Variants in TMTC2 observed in about 807,000 individuals in gnomAD.
TMTC2 encodes the protein protein O-mannosyl-transferase TMTC2.
Under a neutral mutation model 82.4 loss-of-function variants are expected in TMTC2, and 43 were observed. The observed-to-expected ratio is 0.52, with a 90% confidence interval of 0.41 to 0.67. The LOEUF is 0.67. Among genes scored for constraint, TMTC2 ranks in the 30% least tolerant of loss-of-function variants. TMTC2 has a pLI of 0.00. For missense variants in TMTC2, 919 were observed against 1,012.4 expected (o/e 0.91, Z 1.25); for synonymous variants, 408 against 381.9 (o/e 1.07, Z -0.80).
chr12:82,698,929 AG>A (rs1872943708), intron 1 of TMTC2, among the ~76,000 whole-genome samples: 1 of 152,328 alleles, frequency 6.6e-6, no homozygotes, highest in African/African-American at 2.4e-5. Context: ...GGGATAGGGC[AG>A]GATGGCATGC....
intron 11 of TMTC2, among the ~76,000 whole-genome samples, chr12:83,067,722 A>G (rs1006507936): frequency 6.6e-6 from 1 of 152,158 alleles, no homozygotes; most frequent in African/African-American, 2.4e-5. Flanking sequence ...TACTATCTAC[A>G]TGGAATAAAT....
intron 1 of TMTC2, among the ~76,000 whole-genome samples, chr12:82,745,829 C>A (rs1183689112): frequency 6.6e-6 from 1 of 152,152 alleles, no homozygotes; most frequent in Non-Finnish European, 1.5e-5. Flanking sequence ...TTCAGAGCAT[C>A]GAGGAATATA....
chr12:82,820,978 CT>C (rs1250754851), intron 1 of TMTC2, among the ~76,000 whole-genome samples: 1 of 151,872 alleles, frequency 6.6e-6, no homozygotes, highest in Non-Finnish European at 1.5e-5. Flanking sequence ...CCTGCCTCCA[CT>C]TCTGGAGTAG....
At chr12:82,782,775 G>C (rs1051852694) in intron 1 of TMTC2, among the ~76,000 whole-genome samples, 3 of 152,224 alleles carry the variant, frequency 2.0e-5, no homozygotes, top group Admixed American at 2.0e-4. Flanking sequence ...GCTATTTGTG[G>C]CGTTATGATT....
chr12:82,727,276 T>C (rs562858961), intron 1 of TMTC2, among the ~76,000 whole-genome samples: 1 of 152,258 alleles, frequency 6.6e-6, no homozygotes, highest in East Asian at 1.9e-4. Context: ...ATATTTATTT[T>C]ACTGAGATTA....
At chr12:83,037,031 A>C (rs932382345) in intron 9 of TMTC2, among the ~76,000 whole-genome samples, 1 of 152,212 alleles carries the variant, frequency 6.6e-6, no homozygotes, top group Non-Finnish European at 1.5e-5. Flanking sequence ...GTCCACCCTC[A>C]TGACCCAGAC....
At chr12:82,976,139 A>C (rs892383121) in intron 7 of TMTC2, among the ~76,000 whole-genome samples, 1 of 152,132 alleles carries the variant, frequency 6.6e-6, no homozygotes, top group Non-Finnish European at 1.5e-5. Context: ...CTGAGCATTT[A>C]ATAGAATTGG....
chr12:82,823,674 G>T (rs1477324521), intron 1 of TMTC2, among the ~76,000 whole-genome samples: 3 of 152,132 alleles, frequency 2.0e-5, no homozygotes, highest in Non-Finnish European at 2.9e-5. Flanking sequence ...CTAATCCTTA[G>T]TTCAGATGTT....
chr12:82,810,549 G>A (rs114290442), intron 1 of TMTC2, among the ~76,000 whole-genome samples: 1,598 of 152,006 alleles, frequency 0.011, 29 homozygotes, highest in African/African-American at 0.037. Context: ...TTCAAGTATG[G>A]GAAGTTTTGT....
chr12:83,057,097 T>A (rs183312880), intron 10 of TMTC2, among the ~76,000 whole-genome samples: 1 of 152,030 alleles, frequency 6.6e-6, no homozygotes, highest in East Asian at 1.9e-4. Flanking sequence ...AAGTGGTAAT[T>A]TACTACATGT....
chr12:82,712,388 C>G (rs924087757), intron 1 of TMTC2, among the ~76,000 whole-genome samples: 1 of 145,354 alleles, frequency 6.9e-6, no homozygotes, highest in South Asian at 2.2e-4. Flanking sequence ...CAAGATCGCA[C>G]CACTGCACTC....
At position 82,964,946 on chromosome 12, in the gene TMTC2, T is replaced by C. The variant is rs996128062; in HGVS notation, c.1599-78T>C. 27 of 881,294 alleles carry C rather than the reference T, an allele frequency of 3.1e-5. No homozygotes were observed. In the African/African-American group the frequency reaches 4.7e-4, roughly 15 times the overall value. The allele number at this position is 881,294 out of a possible 1,614,324, so 54.6% of individuals were successfully genotyped here. A position where few individuals can be genotyped will look rare whatever the true frequency, so the allele number is the denominator to read the frequency against. On this transcript the variant is annotated intron_variant, in intron 4 of 11. Coordinates refer to ENST00000321196, the MANE Select transcript of TMTC2 (RefSeq NM_152588.3). ...CTGTGCTGTTAACCATTTTTATTTT[T>C]GGAATATAAAATAAAAATTTGTGGT...
At chr12:82,958,276 G>A (rs934406172) in intron 4 of TMTC2, among the ~76,000 whole-genome samples, 1 of 148,578 alleles carries the variant, frequency 6.7e-6, no homozygotes, top group Admixed American at 6.8e-5. Flanking sequence ...AATCGCTTGA[G>A]CCTGGAAAAT....
At chr12:82,743,822 T>C (rs1875540332) in intron 1 of TMTC2, among the ~76,000 whole-genome samples, 1 of 152,214 alleles carries the variant, frequency 6.6e-6, no homozygotes, top group Non-Finnish European at 1.5e-5. Context: ...CTACAGAAAA[T>C]ATGACTCTGT....
At chr12:83,042,059 C>A (rs1418067853) in intron 9 of TMTC2, among the ~76,000 whole-genome samples, 3 of 152,212 alleles carry the variant, frequency 2.0e-5, no homozygotes. Flanking sequence ...AAAACAATTG[C>A]TCTCAAAGCT....
At position 82,715,785 on chromosome 12, in the gene TMTC2, A is replaced by C. The variant is rs116631610; in HGVS notation, c.83+28116A>C. ...CTTGAAGCTGCCCGTTCAGTTCAGCATGTCAAAAAACCATTTGGGATATTG... is the reference window on the plus strand; with the variant it reads ...CTTGAAGCTGCCCGTTCAGTTCAGCCTGTCAAAAAACCATTTGGGATATTG... On this transcript the variant is annotated intron_variant, in intron 1 of 11. Transcript: ENST00000321196. 4.5e-3 allele frequency among the ~76,000 whole-genome samples: 679 copies of C among 152,324 alleles called. 7 individuals carry two copies. The highest frequency in any genetic ancestry group is 0.016 in the African/African-American group (653 of 41,570).
chr12:82,890,612 C>T (rs1434650854), intron 2 of TMTC2, among the ~76,000 whole-genome samples: 1 of 152,028 alleles, frequency 6.6e-6, no homozygotes, highest in African/African-American at 2.4e-5. Flanking sequence ...GCATTAGAAT[C>T]ACCTATGAGA....
chr12:82,735,036 A>G (rs1045833426), intron 1 of TMTC2, among the ~76,000 whole-genome samples: 2 of 152,310 alleles, frequency 1.3e-5, no homozygotes, highest in East Asian at 3.9e-4. Flanking sequence ...CACACATTCT[A>G]TTCCTTATTC....
chr12:82,688,100 A>G (rs764872998), intron 1 of TMTC2, among the ~76,000 whole-genome samples: 3 of 152,088 alleles, frequency 2.0e-5, no homozygotes, highest in Non-Finnish European at 2.9e-5. Flanking sequence ...TATTGATGGG[A>G]CACTTTTATT....
Sources: allele counts gnomAD v4.1 joint callset (sites outside exome capture counted in the v4.1 genomes callset), GRCh38; gene constraint gnomAD v4.1.1; transcripts MANE v1.5; gene names NCBI Gene and HGNC (gene_info 2026-07-23, HGNC 2026-07-21).